The following KSR1 variants were observed in gnomAD, a reference collection of about 807,000 sequenced individuals.
The protein encoded by KSR1 is kinase suppressor of ras 1, also known as kinase suppressor of ras.
Under a neutral mutation model 92.9 loss-of-function variants are expected in KSR1, and 35 were observed. The ratio of observed to expected loss-of-function variants is 0.38; its 90% CI spans 0.29 to 0.50. The LOEUF is 0.50. Ranked by LOEUF, KSR1 falls within the 20% of genes least tolerant of loss-of-function variation. The probability of loss-of-function intolerance (pLI) is 0.94; values close to 1 mark genes in which losing one functional copy is unlikely to be tolerated. For missense variants in KSR1, 972 were observed against 1,158.5 expected (o/e 0.84, Z 2.34); for synonymous variants, 467 against 472.6 (o/e 0.99, Z 0.15).
At chr17:27,476,982 G>A (rs2068366162) in intron 1 of KSR1, among the ~76,000 whole-genome samples, 1 of 152,232 alleles carries the variant, frequency 6.6e-6, no homozygotes, top group South Asian at 2.1e-4. Flanking sequence ...CCTGAGGGCT[G>A]CTGGTTGCCC....
In KSR1 at chr17:27,607,982, C is replaced by T. The variant is rs369713079; in HGVS notation, c.2063C>T (p.Thr688Met). 2.7e-5 allele frequency: 43 copies of T among 1,609,722 alleles called. No individual in the cohort carries two copies. The highest frequency in any genetic ancestry group is 1.5e-4 in the African/African-American group (11 of 74,844). Residue 688 changes from threonine (T) to methionine (M), a missense_variant, in exon 15 of 21, where the codon ACG (threonine) becomes ATG (methionine). This residue lies in a region of KSR1 where 260 missense variants were observed against 375.2 expected (regional missense o/e 0.69). Transcript: ENST00000644974. ...AAGACGTCTCTGGACATCAACAAGACGAGGCAAATCGCTCAGGAGATCATC... is the reference window on the plus strand; with the variant it reads ...AAGACGTCTCTGGACATCAACAAGATGAGGCAAATCGCTCAGGAGATCATC... ...DPKTSLDINK[T>M]RQIAQEIIKG...
intron 2 of KSR1, among the ~76,000 whole-genome samples, chr17:27,568,813 C>T (rs545410011): frequency 4.6e-5 from 7 of 152,322 alleles, no homozygotes; most frequent in South Asian, 2.1e-4. Flanking sequence ...TTGAGGGGCA[C>T]GTCCTGTCCC....
chr17:27,529,557 C>G (rs2070454975), intron 1 of KSR1, among the ~76,000 whole-genome samples: 1 of 152,256 alleles, frequency 6.6e-6, no homozygotes, highest in African/African-American at 2.4e-5. Context: ...CACAGCCACA[C>G]TGGGGAGTCC....
At chr17:27,519,668 G>A (rs932771209) in intron 1 of KSR1, among the ~76,000 whole-genome samples, 7 of 152,200 alleles carry the variant, frequency 4.6e-5, no homozygotes, top group African/African-American at 1.7e-4. Flanking sequence ...GTTTAGAGCT[G>A]CCAGATTTGT....
At chr17:27,620,180 T>A (rs1175069613) in intron 19 of KSR1, among the ~76,000 whole-genome samples, 3 of 152,200 alleles carry the variant, frequency 2.0e-5, no homozygotes, top group Non-Finnish European at 4.4e-5. Flanking sequence ...CCATGTCTCA[T>A]GCAATACTGG....
chr17:27,595,815 T>C (rs1382596582), intron 9 of KSR1, among the ~76,000 whole-genome samples: 1 of 152,040 alleles, frequency 6.6e-6, no homozygotes, highest in African/African-American at 2.4e-5. Context: ...GGTGCCGTTC[T>C]CAGGGGTCTC....
chr17:27,621,838 T>G (rs953563595), intron 20 of KSR1: 1 of 1,303,064 alleles, frequency 7.7e-7, no homozygotes, highest in Admixed American at 1.7e-5. Context: ...CCTGCCCAGC[T>G]GCTCTGGCCA....
intron 1 of KSR1, among the ~76,000 whole-genome samples, chr17:27,476,178 G>A (rs113822040): frequency 7.5e-4 from 114 of 152,322 alleles, no homozygotes; most frequent in African/African-American, 2.6e-3. Flanking sequence ...CTCAGTGAGC[G>A]ATTCTTGAGC....
At chr17:27,486,370 G>A (rs2068665095) in intron 1 of KSR1, among the ~76,000 whole-genome samples, 1 of 152,208 alleles carries the variant, frequency 6.6e-6, no homozygotes, top group African/African-American at 2.4e-5. Context: ...AGGCATCAGG[G>A]TAAGTGCTCC....
intron 1 of KSR1, among the ~76,000 whole-genome samples, chr17:27,528,158 T>G (rs1422799202): frequency 6.6e-6 from 1 of 152,166 alleles, no homozygotes; most frequent in Non-Finnish European, 1.5e-5. Context: ...CTCTGCCTAC[T>G]GGGGTTCAAG....
At chr17:27,512,033 ACT>A (rs776191904) in intron 1 of KSR1, among the ~76,000 whole-genome samples, 3 of 151,852 alleles carry the variant, frequency 2.0e-5, no homozygotes, top group Non-Finnish European at 4.4e-5. Context: ...GCTTGAGCCG[ACT>A]CTTCAGGGCT....
At chr17:27,558,500 A>G (rs1458784841) in intron 2 of KSR1, among the ~76,000 whole-genome samples, 1 of 152,078 alleles carries the variant, frequency 6.6e-6, no homozygotes, top group Non-Finnish European at 1.5e-5. Flanking sequence ...TTGGTGGTTC[A>G]GGTGACTCAG....
At chr17:27,616,581 C>T (rs768291252) in intron 18 of KSR1, among the ~76,000 whole-genome samples, 6 of 152,142 alleles carry the variant, frequency 3.9e-5, no homozygotes, top group Non-Finnish European at 7.3e-5. Context: ...TTTCCTGATA[C>T]GGCAGGCAAC....
chr17:27,523,033 G>A (rs2070106353), intron 1 of KSR1, among the ~76,000 whole-genome samples: 1 of 152,216 alleles, frequency 6.6e-6, no homozygotes, highest in South Asian at 2.1e-4. Flanking sequence ...GCCCTGGGGA[G>A]TGTAAATTGG....
chr17:27,603,691 C>G, intron 11 of KSR1, 143 bp from the exon 12 acceptor site: 1 of 783,604 alleles, frequency 1.3e-6, no homozygotes, highest in Non-Finnish European at 2.2e-6. Context: ...CCAGGCTGGT[C>G]CTTGTGGGAG....
At chr17:27,457,212 A>G (rs1182601250) in intron 1 of KSR1, among the ~76,000 whole-genome samples, 1 of 151,504 alleles carries the variant, frequency 6.6e-6, no homozygotes, top group Non-Finnish European at 1.5e-5. Flanking sequence ...ACCGAGTCAC[A>G]AGCTGGACTT....
intron 2 of KSR1, among the ~76,000 whole-genome samples, chr17:27,561,246 T>C (rs539331992): frequency 3.9e-5 from 6 of 152,338 alleles, no homozygotes; most frequent in Non-Finnish European, 8.8e-5. Context: ...TTACCCAGAA[T>C]AGCACAGTTT....
chr17:27,519,514 C>G (rs979997915), intron 1 of KSR1, among the ~76,000 whole-genome samples: 1 of 152,144 alleles, frequency 6.6e-6, no homozygotes, highest in African/African-American at 2.4e-5. Context: ...TCTGACCTGG[C>G]CATGGTGCGT....
chr17:27,539,970 A>G (rs924116333), intron 1 of KSR1, among the ~76,000 whole-genome samples: 14 of 152,360 alleles, frequency 9.2e-5, no homozygotes, highest in African/African-American at 3.4e-4. Flanking sequence ...GTGGCACATA[A>G]AATGGCCTAG....
Sources: gnomAD v4.1 joint callset for allele counts (sites outside exome capture counted in the v4.1 genomes callset) on GRCh38, gnomAD v4.1.1 for gene constraint, gnomAD v4.1.1 regional missense constraint, MANE v1.5 for transcripts, NCBI Gene and HGNC (gene_info 2026-07-23, HGNC 2026-07-21) for gene names.